Variants in FAM135B observed in about 807,000 individuals in gnomAD.
The protein encoded by FAM135B is family with sequence similarity 135 member B.
In FAM135B, 43 loss-of-function variants were observed where a neutral mutation model predicts 127.7. The observed-to-expected ratio is 0.34, with a 90% confidence interval of 0.26 to 0.43. The LOEUF (loss-of-function observed/expected upper bound fraction) is 0.43. Among genes scored for constraint, FAM135B ranks in the 20% least tolerant of loss-of-function variants. The pLI is 1.00. For synonymous variants in FAM135B, 670 were observed against 665.1 expected (o/e 1.01, Z -0.11); for missense variants, 1,558 against 1,725.6 (o/e 0.90, Z 1.72).
At chr8:138,356,730 A>G (rs1830114131) in intron 2 of FAM135B, among the ~76,000 whole-genome samples, 1 of 152,164 alleles carries the variant, frequency 6.6e-6, no homozygotes, top group Non-Finnish European at 1.5e-5. Flanking sequence ...GTTTCTAAAC[A>G]GTAACTCAGC....
chr8:138,261,555 T>C (rs1345643791), intron 4 of FAM135B, among the ~76,000 whole-genome samples: 1 of 152,232 alleles, frequency 6.6e-6, no homozygotes, highest in Non-Finnish European at 1.5e-5. Context: ...CCCCATTCCA[T>C]TGCTAACTTT....
intron 7 of FAM135B, among the ~76,000 whole-genome samples, chr8:138,226,762 A>G (rs570918899): frequency 5.7e-4 from 87 of 152,242 alleles, no homozygotes; most frequent in Non-Finnish European, 8.1e-4. Flanking sequence ...GGGTTTCACC[A>G]TGTTGGCCAG....
chr8:138,157,470 T>G (rs1818875204), intron 12 of FAM135B, among the ~76,000 whole-genome samples: 1 of 152,160 alleles, frequency 6.6e-6, no homozygotes, highest in Non-Finnish European at 1.5e-5. Flanking sequence ...GAGAAATAAA[T>G]AAAGGGTATT....
In FAM135B at chr8:138,178,607, G is replaced by A; in HGVS notation, c.957C>T (p.Thr319=). The A allele has an allele frequency of 6.2e-7, 1 of 1,614,040 alleles. No individual in the cohort carries two copies. The highest frequency in any genetic ancestry group is 8.5e-7 in the Non-Finnish European group (1 of 1,180,006). Reference sequence around the variant, plus strand: ...GCAGAGTGACTGTGTCCAGGAACTGGGTCCACAGAGTCATCATGTGGGACG... The same window carrying A: ...GCAGAGTGACTGTGTCCAGGAACTGAGTCCACAGAGTCATCATGTGGGACG... ...WLTSHMMTLW[T]QFLDTVTLHS... is the part of the protein sequence containing the mutation. The change falls in exon 10 of 20, where the codon ACC becomes ACT. Residue 319 remains threonine, a synonymous_variant. Coordinates refer to ENST00000395297, the MANE Select transcript of FAM135B (RefSeq NM_015912.4).
intron 1 of FAM135B, among the ~76,000 whole-genome samples, chr8:138,452,049 G>A (rs964698646): frequency 4.6e-5 from 7 of 151,072 alleles, no homozygotes; most frequent in Non-Finnish European, 8.8e-5. Context: ...TCACTTTGTA[G>A]GCATAAAAGT....
At chr8:138,200,489 T>C (rs576880090) in intron 7 of FAM135B, among the ~76,000 whole-genome samples, 8 of 152,340 alleles carry the variant, frequency 5.3e-5, no homozygotes, top group African/African-American at 1.9e-4. Flanking sequence ...AGTCCTATTG[T>C]ACTTTATCTC....
chr8:138,398,026 C>A (rs991360248), intron 1 of FAM135B, among the ~76,000 whole-genome samples: 5 of 152,186 alleles, frequency 3.3e-5, no homozygotes, highest in Non-Finnish European at 7.3e-5. Flanking sequence ...GGGAGCTCTC[C>A]TGGACCTTCT....
intron 7 of FAM135B, among the ~76,000 whole-genome samples, chr8:138,219,474 A>T (rs1208930939): frequency 1.3e-5 from 2 of 152,152 alleles, no homozygotes; most frequent in African/African-American, 2.4e-5. Context: ...AATGCCCAGA[A>T]CCCCAGTGAA....
intron 1 of FAM135B, chr8:138,437,429 TTA>T: frequency 6.6e-6 from 1 of 152,220 alleles, no homozygotes; most frequent in East Asian, 1.9e-4. Context: ...TCTGATGGTT[TTA>T]TAAGGGGCTC....
chr8:138,383,137 T>C (rs1831963608), intron 1 of FAM135B, among the ~76,000 whole-genome samples: 1 of 152,198 alleles, frequency 6.6e-6, no homozygotes, highest in Non-Finnish European at 1.5e-5. Context: ...TACATGTCAG[T>C]GAGGTTAACG....
intron 14 of FAM135B, 141 bp downstream of exon 14, chr8:138,148,379 T>C (rs556506906): frequency 8.6e-6 from 6 of 697,278 alleles, no homozygotes; most frequent in Non-Finnish European, 1.4e-5. Flanking sequence ...TACCATTTCC[T>C]TAGATTCATC....
chr8:138,156,512 T>C (rs1480102717), intron 12 of FAM135B, among the ~76,000 whole-genome samples: 1 of 69,490 alleles, frequency 1.4e-5, no homozygotes, highest in African/African-American at 3.6e-5. Flanking sequence ...CCAGGAGTTG[T>C]TTTTTTGAAA....
chr8:138,241,063 G>C lies in FAM135B; in HGVS notation c.669+1879C>G, dbSNP rs754998011. Among the ~76,000 whole-genome samples the C allele has an allele frequency of 3.3e-5, 5 of 151,996 alleles. No individual in the cohort carries two copies. The highest frequency in any genetic ancestry group is 4.8e-5 in the African/African-American group (2 of 41,266). ...ACTCTGGGTGCCAGCCCACGTGGGGGCTGAAGGAAGGAAGACTGGACATAG... is the reference window on the plus strand; with the variant it reads ...ACTCTGGGTGCCAGCCCACGTGGGGCCTGAAGGAAGGAAGACTGGACATAG... On this transcript the variant is annotated intron_variant, in intron 7 of 19. Transcript: ENST00000395297. This position sits in a 1 kb window ranked among gnomAD's most constrained non-coding sequence, Gnocchi z 4.8.
chr8:138,209,561 G>C (rs1817977862), intron 7 of FAM135B, among the ~76,000 whole-genome samples: 1 of 152,154 alleles, frequency 6.6e-6, no homozygotes, highest in Non-Finnish European at 1.5e-5. Context: ...TGGACAGACT[G>C]ATTCAGGTCA....
chr8:138,312,300 G>A (rs1826747976), intron 2 of FAM135B, among the ~76,000 whole-genome samples: 1 of 152,096 alleles, frequency 6.6e-6, no homozygotes, highest in East Asian at 1.9e-4. Context: ...GAAAGATGAA[G>A]TGACAGACAT....
At chr8:138,392,120 G>A (rs1009002985) in intron 1 of FAM135B, among the ~76,000 whole-genome samples, 2 of 152,214 alleles carry the variant, frequency 1.3e-5, no homozygotes, top group South Asian at 2.1e-4. Context: ...CACACATTCA[G>A]ATAACGTCTG....
chr8:138,275,507 A>C (rs1382887740), intron 3 of FAM135B, among the ~76,000 whole-genome samples: 2 of 152,134 alleles, frequency 1.3e-5, no homozygotes, highest in African/African-American at 4.8e-5. Flanking sequence ...TAACACAGTG[A>C]GACCCTATCG....
In FAM135B at chr8:138,217,831, G is replaced by A. The variant is rs942922234; in HGVS notation, c.670-20162C>T. 3.3e-5 allele frequency among the ~76,000 whole-genome samples: 5 copies of A among 152,082 alleles called. No homozygotes were observed. The East Asian group carries it at 9.6e-4, about 29-fold the overall frequency. On this transcript the variant is annotated intron_variant, in intron 7 of 19. Transcript: ENST00000395297. ...TGAACTACCTGGTCCTTTCCTTCACGGAGTTTTTGTAGCAGTGGAGACAAA... is the reference window on the plus strand; with the variant it reads ...TGAACTACCTGGTCCTTTCCTTCACAGAGTTTTTGTAGCAGTGGAGACAAA...
chr8:138,309,584 C>T (rs552392654), intron 3 of FAM135B, among the ~76,000 whole-genome samples: 2 of 152,316 alleles, frequency 1.3e-5, no homozygotes, highest in South Asian at 4.1e-4. Flanking sequence ...AGGTCCCCCT[C>T]CAGATGTCTT....
Sources: gnomAD v4.1 joint callset for allele counts (sites outside exome capture counted in the v4.1 genomes callset) on GRCh38, gnomAD v4.1.1 for gene constraint, Gnocchi (gnomAD v3.1) non-coding constraint, MANE v1.5 for transcripts, NCBI Gene and HGNC (gene_info 2026-07-23, HGNC 2026-07-21) for gene names.